Variants in SVOP observed in about 807,000 individuals in gnomAD.
SVOP encodes synaptic vesicle 2-related protein.
SVOP carries 17 observed loss-of-function variants against 69.1 expected under a neutral mutation model. The ratio of observed to expected loss-of-function variants is 0.25; its 90% CI spans 0.17 to 0.37. The LOEUF (loss-of-function observed/expected upper bound fraction) is 0.37. SVOP is among the 10% of genes least tolerant of loss of function. SVOP has a pLI of 1.00. For missense variants in SVOP, 435 were observed against 597.5 expected (o/e 0.73, Z 2.84); for synonymous variants, 238 against 238.6 (o/e 1.00, Z 0.02).
intron 6 of SVOP, among the ~76,000 whole-genome samples, chr12:108,955,145 C>G (rs2039978191): frequency 6.6e-6 from 1 of 152,212 alleles, no homozygotes; most frequent in Non-Finnish European, 1.5e-5. Flanking sequence ...TGTGGACATT[C>G]TGAATATTTA....
chr12:108,913,591 AGTGCCT>A (rs2137383718), intron 15 of SVOP, among the ~76,000 whole-genome samples: 1 of 152,306 alleles, frequency 6.6e-6, no homozygotes, highest in Admixed American at 6.5e-5. Flanking sequence ...GGAACAGTGC[AGTGCCT>A]GTGCCAACTT....
At chr12:108,933,660 A>T (rs988013991) in intron 11 of SVOP, among the ~76,000 whole-genome samples, 10 of 152,144 alleles carry the variant, frequency 6.6e-5, no homozygotes, top group African/African-American at 2.4e-4. Context: ...AGCCTGGGCG[A>T]CAGAGCAAGA....
intron 6 of SVOP, among the ~76,000 whole-genome samples, chr12:108,953,688 A>G (rs1360719638): frequency 6.6e-6 from 1 of 152,250 alleles, no homozygotes; most frequent in African/African-American, 2.4e-5. Context: ...GGAACATTGT[A>G]TAATTTAAGA....
Position 109,020,914 on chromosome 12 carries a change from T to A in SVOP, c.-46A>T. 1.4e-6 allele frequency: 1 copy of A among 709,618 alleles called. No homozygotes were observed. Among genetic ancestry groups the A allele is most frequent in the South Asian group, 1.5e-5 (1 of 66,620 alleles). The allele number at this position is 709,618 out of a possible 1,614,324, so 44.0% of individuals were successfully genotyped here. A position where few individuals can be genotyped will look rare whatever the true frequency, so the allele number is the denominator to read the frequency against. ...AGCCCTTCTCATGGCCCTTACATGG[T>A]AGTGGTGGATGACGAGCCCTCCGGT... On this transcript the variant is annotated 5_prime_UTR_variant, in exon 1 of 16. Coordinates refer to ENST00000610966, the MANE Select transcript of SVOP (RefSeq NM_018711.5).
intron 5 of SVOP, among the ~76,000 whole-genome samples, chr12:108,962,554 T>A (rs2040023778): frequency 6.6e-6 from 1 of 152,096 alleles, no homozygotes; most frequent in African/African-American, 2.4e-5. Context: ...GTTCAAGGGA[T>A]CCTCCTACCT....
intron 8 of SVOP, among the ~76,000 whole-genome samples, chr12:108,940,389 G>A (rs2039883621): frequency 6.6e-6 from 1 of 152,200 alleles, no homozygotes; most frequent in Non-Finnish European, 1.5e-5. Flanking sequence ...CCTGGAGCCA[G>A]CCATGCCTGA....
chr12:108,961,782 T>A (rs1466558357), intron 5 of SVOP, among the ~76,000 whole-genome samples: 1 of 152,236 alleles, frequency 6.6e-6, no homozygotes, highest in East Asian at 1.9e-4. Flanking sequence ...GAGTTGTAGG[T>A]AAACATTTGC....
At chr12:108,957,460 G>A (rs772182584) in intron 6 of SVOP, among the ~76,000 whole-genome samples, 7 of 152,002 alleles carry the variant, frequency 4.6e-5, no homozygotes, top group African/African-American at 1.5e-4. Context: ...CACCGTGCCC[G>A]GACCCATTAG....
chr12:109,006,929 A>G (rs191944087), intron 1 of SVOP, among the ~76,000 whole-genome samples: 3 of 152,290 alleles, frequency 2.0e-5, no homozygotes, highest in Admixed American at 2.0e-4. Flanking sequence ...ATACAAAAAG[A>G]TGGCTGCAGA....
At position 108,995,218 on chromosome 12, in the gene SVOP, C is replaced by G. The variant is rs145742227; in HGVS notation, c.36-11457G>C. ...TTAAGTTGGCCTGTATCAAAATAGC[C>G]AAAAGGCAGAAACAACCAGCCAAAA... is the stretch of plus-strand genomic sequence containing the variant. On this transcript the variant is annotated intron_variant, in intron 1 of 15. Coordinates refer to ENST00000610966, the MANE Select transcript of SVOP (RefSeq NM_018711.5). Among the ~76,000 whole-genome samples, 841 of 151,816 alleles carry G rather than the reference C, an allele frequency of 5.5e-3. 12 individuals are homozygous for G. Among genetic ancestry groups the G allele is most frequent in the African/African-American group, 0.02 (817 of 41,386 alleles).
chr12:108,929,763 T>C (rs1267871874), intron 11 of SVOP, among the ~76,000 whole-genome samples: 3 of 152,124 alleles, frequency 2.0e-5, no homozygotes, highest in Non-Finnish European at 4.4e-5. Flanking sequence ...TATACTGAGG[T>C]CTCTCTCCTC....
Position 108,956,496 on chromosome 12 carries a change from G to T in SVOP, c.578+4427C>A, listed in dbSNP as rs567456788. On this transcript the variant is annotated intron_variant, in intron 6 of 15. Transcript: ENST00000610966. The stretch of plus-strand genomic sequence containing the variant: ...GCTTGTGCTGCCAAAGAGCCAGCCT[G>T]CCCGCAACAGAGACCAACATGGAGC... 1.2e-3 allele frequency among the ~76,000 whole-genome samples: 181 copies of T among 152,184 alleles called. 1 individual carries two copies. The highest frequency in any genetic ancestry group is 4.1e-3 in the African/African-American group (172 of 41,534).
At chr12:108,930,366 T>C (rs1169208126) in intron 11 of SVOP, among the ~76,000 whole-genome samples, 2 of 151,178 alleles carry the variant, frequency 1.3e-5, no homozygotes, top group African/African-American at 2.4e-5. Context: ...GGAAGTGAGA[T>C]ACAGAAATTG....
At chr12:108,986,784 G>C (rs979579207) in intron 1 of SVOP, among the ~76,000 whole-genome samples, 2 of 152,026 alleles carry the variant, frequency 1.3e-5, no homozygotes, top group Admixed American at 1.3e-4. Context: ...GGGGAGGGGG[G>C]GGTCTTTATA....
At chr12:108,983,862 T>C (rs2040154612) in intron 1 of SVOP, 101 bp from the exon 2 acceptor site, 1 of 398,250 alleles carries the variant, frequency 2.5e-6, no homozygotes, top group Non-Finnish European at 4.4e-6. Context: ...CTTCTTCTCA[T>C]GGTTTGGAGA....
chr12:109,020,759 C>CCCA (rs1555254168), intron 1 of SVOP, 75 bp downstream of exon 1: 5 of 314,282 alleles, frequency 1.6e-5, no homozygotes, highest in Non-Finnish European at 2.5e-5. Flanking sequence ...GATGTACCCC[C>CCCA]CCCCACCCCC....
At chr12:108,946,690 T>TTTA (rs370752888) in intron 6 of SVOP, among the ~76,000 whole-genome samples, 62,876 of 136,084 alleles carry the variant, frequency 0.46, 14,767 homozygotes, top group Middle Eastern at 0.58. Flanking sequence ...GCAACCTGTT[T>TTTA]TTATTATTAT....
intron 12 of SVOP, 87 bp downstream of exon 12, chr12:108,922,603 C>A: frequency 1.0e-6 from 1 of 953,954 alleles, no homozygotes; most frequent in Non-Finnish European, 1.6e-6. Context: ...GATTTGCTTC[C>A]AGGTAGGGTA....
At position 109,021,012 on chromosome 12, in the gene SVOP, CGCTGGGGACCAGCCCACGAGACAAA is replaced by C. The variant is rs1424401379; in HGVS notation, c.-169_-145del. The C allele has an allele frequency of 1.8e-6, 1 of 569,318 alleles. No individual in the cohort carries two copies. The highest frequency in any genetic ancestry group is 3.2e-6 in the Non-Finnish European group (1 of 315,414). 35.3% of individuals were successfully genotyped at this position (569,318 alleles called of 1,614,324 possible). On this transcript the variant is annotated 5_prime_UTR_variant, in exon 1 of 16. Coordinates refer to ENST00000610966, the MANE Select transcript of SVOP (RefSeq NM_018711.5). Reference sequence around the variant, plus strand: ...AGCAGCAGCTGTTCGGGGAGGGAGCCGCTGGGGACCAGCCCACGAGACAAAGCCTCCGCCGCCAGGAGACCGCGGC... The same window carrying C: ...AGCAGCAGCTGTTCGGGGAGGGAGCCGCCTCCGCCGCCAGGAGACCGCGGC...
Sources: gnomAD v4.1 joint callset for allele counts (sites outside exome capture counted in the v4.1 genomes callset) on GRCh38, gnomAD v4.1.1 for gene constraint, MANE v1.5 for transcripts, NCBI Gene and HGNC (gene_info 2026-07-23, HGNC 2026-07-21) for gene names.